EMSY: variants seen among roughly 807,000 people sequenced by gnomAD.
EMSY encodes the protein EMSY transcriptional repressor, BRCA2 interacting, also known as BRCA2-interacting transcriptional repressor EMSY.
In EMSY, 26 loss-of-function variants were observed where a neutral mutation model predicts 134.6. The ratio of observed to expected loss-of-function variants is 0.19; its 90% CI spans 0.14 to 0.27. The LOEUF (loss-of-function observed/expected upper bound fraction) is 0.27. Ranked by LOEUF, EMSY falls within the 10% of genes least tolerant of loss-of-function variation. EMSY has a pLI of 1.00. For synonymous variants in EMSY, 579 were observed against 577.8 expected (o/e 1.00, Z -0.03); for missense variants, 1,305 against 1,611.4 (o/e 0.81, Z 3.26).
intron 12 of EMSY, among the ~76,000 whole-genome samples, chr11:76,525,822 T>C (rs1486727242): frequency 6.6e-6 from 1 of 152,146 alleles, no homozygotes; most frequent in Non-Finnish European, 1.5e-5. Flanking sequence ...TAACAATATA[T>C]AACATTCTTT....
Position 76,510,414 on chromosome 11 carries a change from T to A in EMSY, c.1364-2972T>A, listed in dbSNP as rs116191099. ...AATAAAAATGCCATTGATACAGACC[T>A]TAGAAACTGGAACCTTGCAGAAATA... On this transcript the variant is annotated intron_variant, in intron 9 of 20. Transcript: ENST00000334736. Among the ~76,000 whole-genome samples the A allele has an allele frequency of 6.8e-4, 104 of 152,308 alleles. 1 individual carries two copies. Among genetic ancestry groups the A allele is most frequent in the African/African-American group, 2.4e-3 (100 of 41,570 alleles).
chr11:76,518,705 T>TATATATATATATATATATATATA (rs1406438858), intron 11 of EMSY, among the ~76,000 whole-genome samples: 17 of 80,732 alleles, frequency 2.1e-4, no homozygotes, highest in Non-Finnish European at 3.6e-4. Flanking sequence ...ATATATATAT[T>TATATATATATATATATATATATA]TTTTTTTTAA....
chr11:76,472,474 CTA>C, intron 7 of EMSY, 88 bp from the exon 9 acceptor site: 25 of 1,213,576 alleles, frequency 2.1e-5, no homozygotes, highest in Non-Finnish European at 2.7e-5. Flanking sequence ...TTTTCATAAG[CTA>C]TTTTTAAATT....
intron 9 of EMSY, among the ~76,000 whole-genome samples, chr11:76,510,578 A>G (rs1202074540): frequency 6.6e-6 from 1 of 152,132 alleles, no homozygotes; most frequent in Non-Finnish European, 1.5e-5. Flanking sequence ...TGGTGGAGTC[A>G]CTGCCTCACA....
At chr11:76,523,699 ACT>A (rs1491289069) in intron 12 of EMSY, among the ~76,000 whole-genome samples, 1 of 75,348 alleles carries the variant, frequency 1.3e-5, no homozygotes, top group African/African-American at 6.6e-5. Flanking sequence ...GGGATTTGTT[ACT>A]TTCTTTTTTT....
At chr11:76,541,448 A>G (rs1362578611) in intron 17 of EMSY, among the ~76,000 whole-genome samples, 1 of 152,140 alleles carries the variant, frequency 6.6e-6, no homozygotes, top group Non-Finnish European at 1.5e-5. Flanking sequence ...TTTAAGGACA[A>G]TTTTTCAGTC....
At chr11:76,526,630 A>G in exon 13 of EMSY, 5 of 1,612,200 alleles carry the variant, frequency 3.1e-6, no homozygotes, top group Non-Finnish European at 4.2e-6. Flanking sequence ...GCAAGGGAAA[A>G]CGCAGGTATG....
In EMSY at chr11:76,467,990, A is replaced by C. The variant is rs796676190; in HGVS notation, c.831+3910A>C. Among the ~76,000 whole-genome samples the C allele has an allele frequency of 4.2e-3, 620 of 148,780 alleles. 8 individuals carry two copies. Among genetic ancestry groups the C allele is most frequent in the South Asian group, 0.037 (174 of 4,676 alleles). ...GCTAAACTCCATCTCAAAAAAAAAA[A>C]ACAAAAAAAAAAACTTAACGTAGTA... On this transcript the variant is annotated intron_variant, in intron 7 of 20. Coordinates refer to ENST00000334736, the Ensembl canonical transcript of EMSY.
intron 11 of EMSY, among the ~76,000 whole-genome samples, chr11:76,519,633 A>G (rs543013600): frequency 2.7e-4 from 41 of 152,196 alleles, no homozygotes; most frequent in Non-Finnish European, 5.6e-4. Flanking sequence ...GCAAAGCAAC[A>G]TAAAACATTA....
intron 9 of EMSY, among the ~76,000 whole-genome samples, chr11:76,503,162 A>G (rs1250427179): frequency 1.3e-5 from 2 of 151,828 alleles, no homozygotes; most frequent in African/African-American, 4.8e-5. Flanking sequence ...TTAACTGGCC[A>G]TGATGGTACA....
intron 8 of EMSY, among the ~76,000 whole-genome samples, chr11:76,479,445 G>C (rs571160723): frequency 1.3e-5 from 2 of 152,338 alleles, no homozygotes; most frequent in East Asian, 3.9e-4. Context: ...TGGCATGTAT[G>C]CAGGCTGGAT....
At chr11:76,543,101 G>C (rs1713882591) in intron 18 of EMSY, among the ~76,000 whole-genome samples, 2 of 152,284 alleles carry the variant, frequency 1.3e-5, no homozygotes, top group East Asian at 1.9e-4. Flanking sequence ...ACTTGCTCCA[G>C]GTGGCAGAGC....
At chr11:76,474,657 A>G (rs1948707777) in intron 8 of EMSY, among the ~76,000 whole-genome samples, 2 of 152,226 alleles carry the variant, frequency 1.3e-5, no homozygotes, top group African/African-American at 4.8e-5. Context: ...ATCAATGACA[A>G]GAAGTAGCAG....
At chr11:76,550,137 A>G in exon 21 of EMSY, 1 of 1,611,966 alleles carries the variant, frequency 6.2e-7, no homozygotes, top group Non-Finnish European at 8.5e-7. Context: ...GCTCTGCTGA[A>G]CGGTCCTAGT....
At chr11:76,498,516 T>C (rs1565319154) in intron 9 of EMSY, among the ~76,000 whole-genome samples, 1 of 152,222 alleles carries the variant, frequency 6.6e-6, no homozygotes, top group Non-Finnish European at 1.5e-5. Context: ...ATCTATTGTT[T>C]GATGCATACA....
At chr11:76,523,106 G>A (rs1169339547) in intron 11 of EMSY, 49 bp from the exon 13 acceptor site, 1 of 1,544,702 alleles carries the variant, frequency 6.5e-7, no homozygotes. Context: ...AAATAACCAA[G>A]TATCTCTAGT....
chr11:76,523,052 G>A (rs780407633), intron 11 of EMSY, 103 bp from the exon 13 acceptor site: 7 of 1,132,848 alleles, frequency 6.2e-6, no homozygotes, highest in East Asian at 2.5e-5. Context: ...TGTCATCTAG[G>A]AATGACATTT....
chr11:76,510,601 G>T (rs1014430510), intron 9 of EMSY, among the ~76,000 whole-genome samples: 1 of 152,196 alleles, frequency 6.6e-6, no homozygotes, highest in Non-Finnish European at 1.5e-5. Flanking sequence ...CCAGGGCAAG[G>T]GCTATCAGTA....
At chr11:76,537,878 A>G (rs1257373068) in exon 16 of EMSY, 1 of 1,613,830 alleles carries the variant, frequency 6.2e-7, no homozygotes, top group South Asian at 1.1e-5. Context: ...GACCCAGGAA[A>G]AGAGACATTC....
Sources: gnomAD v4.1 joint callset for allele counts (sites outside exome capture counted in the v4.1 genomes callset) on GRCh38, gnomAD v4.1.1 for gene constraint, MANE v1.5 for transcripts, NCBI Gene and HGNC (gene_info 2026-07-23, HGNC 2026-07-21) for gene names.